Variants in COL4A3 observed in about 807,000 individuals in gnomAD.
The protein encoded by COL4A3 is collagen type IV alpha 3 chain, also known as collagen alpha-3(IV) chain.
Under a neutral mutation model 217.4 loss-of-function variants are expected in COL4A3, and 135 were observed. The ratio of observed to expected loss-of-function variants is 0.62; its 90% CI spans 0.54 to 0.72. COL4A3 has a LOEUF of 0.72. COL4A3 is among the 30% of genes least tolerant of loss of function. COL4A3 has a pLI of 0.00. For missense variants in COL4A3, 1,868 were observed against 2,119.9 expected (o/e 0.88, Z 2.33); for synonymous variants, 690 against 736.3 (o/e 0.94, Z 1.02).
intron 21 of COL4A3, among the ~76,000 whole-genome samples, chr2:227,266,192 T>C (rs1216491749): frequency 2.0e-5 from 3 of 151,894 alleles, no homozygotes; most frequent in Non-Finnish European, 4.4e-5. Flanking sequence ...AAAAAAAAAT[T>C]ATACAATGAG....
intron 44 of COL4A3, 27 bp from the exon 45 acceptor site, chr2:227,303,832 T>TCA (rs2073391501): frequency 6.2e-7 from 1 of 1,609,140 alleles, no homozygotes; most frequent in African/African-American, 1.3e-5. Flanking sequence ...CTAAGTGGAA[T>TCA]CACACTGTGT....
At chr2:227,226,223 T>C (rs1441689319) in intron 1 of COL4A3, among the ~76,000 whole-genome samples, 1 of 152,194 alleles carries the variant, frequency 6.6e-6, no homozygotes, top group Middle Eastern at 3.2e-3. Context: ...ATTTATTTTA[T>C]TGCCCTGTGA....
At chr2:227,226,659 G>A (rs911823665) in intron 1 of COL4A3, among the ~76,000 whole-genome samples, 7 of 152,028 alleles carry the variant, frequency 4.6e-5, no homozygotes, top group Admixed American at 2.0e-4. Flanking sequence ...TAGTAGAGAC[G>A]GGGTTTCCCC....
rs144486151 is a variant in COL4A3, at chr2:227,200,883, TCTC to T, written c.87+36074_87+36076del. Reference sequence around the variant, plus strand: ...GAAATGTTCAATTACAAATGTCAGATCTCCTCAACTCTCTGCTTATGTTTTGTT... The same window carrying T: ...GAAATGTTCAATTACAAATGTCAGATCTCAACTCTCTGCTTATGTTTTGTT... On this transcript the variant is annotated intron_variant, in intron 1 of 51. Transcript: ENST00000396578. Among the ~76,000 whole-genome samples, 470 of 152,294 alleles carry T rather than the reference TCTC, an allele frequency of 3.1e-3. 8 individuals carry two copies. The highest frequency in any genetic ancestry group is 0.011 in the African/African-American group (457 of 41,566).
At chr2:227,262,133 A>G (rs2070617656) in intron 20 of COL4A3, among the ~76,000 whole-genome samples, 1 of 152,226 alleles carries the variant, frequency 6.6e-6, no homozygotes, top group South Asian at 2.1e-4. Flanking sequence ...ACTATTAAAA[A>G]AATAGATACA....
chr2:227,177,913 C>T (rs1034202658), intron 1 of COL4A3, among the ~76,000 whole-genome samples: 1 of 152,006 alleles, frequency 6.6e-6, no homozygotes, highest in Non-Finnish European at 1.5e-5. Context: ...AAACACAAGA[C>T]TTGTAATGTT....
chr2:227,254,171 C>G lies in COL4A3; in HGVS notation c.825C>G (p.Pro275=). 1 of 1,613,066 alleles carries G rather than the reference C, an allele frequency of 6.2e-7. No homozygotes were observed. The highest frequency in any genetic ancestry group is 8.5e-7 in the Non-Finnish European group (1 of 1,179,214). ...GAMGEPGPPG[P]SGLPGESYGS... ...TGGGCGAGCCTGGACCTCCTGGACC[C>G]TCAGTAGGTTATTTAAAGTTATATT... Residue 275 remains proline (P), a synonymous_variant, in exon 14 of 52, where the codon CCC becomes CCG. Transcript: ENST00000396578.
intron 1 of COL4A3, among the ~76,000 whole-genome samples, chr2:227,215,490 G>T (rs72975997): frequency 6.6e-6 from 1 of 151,938 alleles, no homozygotes; most frequent in Non-Finnish European, 1.5e-5. Flanking sequence ...ACAGAGTCTC[G>T]CTCTGTCGCC....
chr2:227,312,043 T>C lies in COL4A3; in HGVS notation c.*173T>C. 1 of 1,208,032 alleles carries C rather than the reference T, an allele frequency of 8.3e-7. No homozygotes were observed. Among genetic ancestry groups the C allele is most frequent in the Non-Finnish European group, 1.2e-6 (1 of 858,960 alleles). 74.8% of individuals were successfully genotyped at this position (1,208,032 alleles called of 1,614,324 possible). A position where few individuals can be genotyped will look rare whatever the true frequency, so the allele number is the denominator to read the frequency against. On this transcript the variant is annotated 3_prime_UTR_variant, in exon 52 of 52. Coordinates refer to ENST00000396578, the MANE Select transcript of COL4A3 (RefSeq NM_000091.5). ...CAAAGCAATTCTTTCAAGTCAGTTC[T>C]GTGATCTGGGTCTCTAATCTGTGCT... is the stretch of plus-strand genomic sequence containing the variant.
chr2:227,178,297 G>A (rs757598285), intron 1 of COL4A3, among the ~76,000 whole-genome samples: 10 of 152,032 alleles, frequency 6.6e-5, no homozygotes, highest in South Asian at 2.1e-4. Flanking sequence ...TGGGAGGATC[G>A]CTTGAGCCCT....
At chr2:227,170,909 T>C (rs1577017551) in intron 1 of COL4A3, among the ~76,000 whole-genome samples, 1 of 152,324 alleles carries the variant, frequency 6.6e-6, no homozygotes, top group African/African-American at 2.4e-5. Flanking sequence ...TTTAAGAAAA[T>C]CATACATTCT....
chr2:227,245,833 A>G, intron 5 of COL4A3, 121 bp from the exon 6 acceptor site: 1 of 803,136 alleles, frequency 1.2e-6, no homozygotes, highest in Non-Finnish European at 2.2e-6. Context: ...TACATTTACT[A>G]CTTAACCATT....
chr2:227,195,762 T>G (rs930480451), intron 1 of COL4A3, among the ~76,000 whole-genome samples: 1 of 150,872 alleles, frequency 6.6e-6, no homozygotes, highest in Non-Finnish European at 1.5e-5. Context: ...GAAGAAGACA[T>G]TTTTATCATA....
chr2:227,280,479 C>T lies in COL4A3; in HGVS notation c.2263C>T (p.Pro755Ser), dbSNP rs770920210. 2.5e-6 allele frequency: 4 copies of T among 1,614,054 alleles called. No individual in the cohort carries two copies. In the East Asian group the frequency reaches 8.9e-5, roughly 36 times the overall value. Reference protein sequence around the residue: ...AVAMPGGPGTPGFPGERGNSG... With the variant: ...AVAMPGGPGTSGFPGERGNSG... ...AGCCATGCCTGGAGGACCAGGAACA[C>T]CAGGTTTTCCAGGAGAAAGAGGCAA... The change falls in exon 30 of 52, where the codon CCA (proline) becomes TCA (serine). Residue 755 changes from proline to serine, a missense_variant. Around this residue, in one of 2 missense-constraint regions of COL4A3, gnomAD observed 1,503 missense variants for 1,786.1 expected, o/e 0.84. Coordinates refer to ENST00000396578, the MANE Select transcript of COL4A3 (RefSeq NM_000091.5).
Position 227,164,793 on chromosome 2 carries a change from G to A in COL4A3, c.67G>A (p.Ala23Thr). ...GCCGCTCCTGCTGGTGCTCCTGGCGGCGGCGCCCGCAGCCAGCAAGGTGAG... is the reference window on the plus strand; with the variant it reads ...GCCGCTCCTGCTGGTGCTCCTGGCGACGGCGCCCGCAGCCAGCAAGGTGAG... ...LLPLLLVLLAAAPAASKGCVC... is the reference protein window; with the variant it reads ...LLPLLLVLLATAPAASKGCVC... Residue 23 changes from alanine (A) to threonine (T), a missense_variant, in exon 1 of 52, where the codon GCG becomes ACG. Physicochemically the swap from Ala to Thr is moderately conservative, Grantham distance 58. Around this residue, in one of 2 missense-constraint regions of COL4A3, gnomAD observed 365 missense variants for 333.8 expected, o/e 1.09. Coordinates refer to ENST00000396578, the MANE Select transcript of COL4A3 (RefSeq NM_000091.5). The surrounding 1 kb of genome is among the most constrained non-coding windows in gnomAD (Gnocchi z 4.8). 3 of 1,519,260 alleles carry A rather than the reference G, an allele frequency of 2.0e-6. No individual in the cohort carries two copies. Among genetic ancestry groups the A allele is most frequent in the South Asian group, 2.4e-5 (2 of 82,568 alleles). 94.1% of individuals were successfully genotyped at this position (1,519,260 alleles called of 1,614,324 possible).
intron 14 of COL4A3, 96 bp downstream of exon 14, chr2:227,254,270 TA>T: frequency 1.9e-5 from 20 of 1,079,420 alleles, no homozygotes; most frequent in East Asian, 5.0e-5. Flanking sequence ...TTTTTTTTTT[TA>T]AAGAAAGTAA....
In COL4A3 at chr2:227,269,623, T is replaced by A. The variant is rs35064967; in HGVS notation, c.1505-287T>A. Among the ~76,000 whole-genome samples, 20,003 of 152,134 alleles carry A rather than the reference T, an allele frequency of 0.13. 1,566 individuals carry two copies. The highest frequency in any genetic ancestry group is 0.26 in the East Asian group (1,332 of 5,188). ...CTCTTCTTTCTGCATAATTTTCTTA[T>A]AATGAGCATATATTACTTTTAAAAG... On this transcript the variant is annotated intron_variant, in intron 23 of 51. Transcript: ENST00000396578.
chr2:227,210,007 A>T (rs1474332547), intron 1 of COL4A3, among the ~76,000 whole-genome samples: 1 of 152,206 alleles, frequency 6.6e-6, no homozygotes, highest in East Asian at 1.9e-4. Flanking sequence ...GTAAATTGGG[A>T]ATAATAATAC....
chr2:227,254,670 A>C lies in COL4A3; in HGVS notation c.843A>C (p.Glu281Asp). ...GPPGPSGLPGESYGSEKGAPG... is the reference protein window; with the variant it reads ...GPPGPSGLPGDSYGSEKGAPG... ...AATTAATACAGGGACTGCCTGGAGA[A>C]TCATATGGATCTGAAAAGGGTGCTC... The change falls in exon 15 of 52, where the codon GAA (glutamate) becomes GAC (aspartate). Residue 281 changes from glutamate to aspartate, a missense_variant. Physicochemically the swap from Glu to Asp is conservative, Grantham distance 45 (BLOSUM62 2). Coordinates refer to ENST00000396578, the MANE Select transcript of COL4A3 (RefSeq NM_000091.5). The C allele has an allele frequency of 6.2e-7, 1 of 1,613,108 alleles. No individual in the cohort carries two copies. Among genetic ancestry groups the C allele is most frequent in the Non-Finnish European group, 8.5e-7 (1 of 1,179,070 alleles).
Sources: allele counts gnomAD v4.1 joint callset (sites outside exome capture counted in the v4.1 genomes callset), GRCh38; gene constraint gnomAD v4.1.1; regional missense constraint gnomAD v4.1.1; non-coding constraint Gnocchi (gnomAD v3.1); transcripts MANE v1.5; gene names NCBI Gene and HGNC (gene_info 2026-07-23, HGNC 2026-07-21).